PCDHA3: variants seen among roughly 807,000 people sequenced by gnomAD.
PCDHA3 encodes protocadherin alpha 3.
A neutral mutation model predicts 62.2 loss-of-function variants in PCDHA3; 41 were observed. The ratio of observed to expected loss-of-function variants is 0.66; its 90% CI spans 0.51 to 0.86. The LOEUF is 0.86. Among genes scored for constraint, PCDHA3 ranks in the 40% least tolerant of loss-of-function variants. The pLI is 0.00. For missense variants in PCDHA3, 1,304 were observed against 1,241.2 expected (o/e 1.05, Z -0.76); for synonymous variants, 640 against 555.4 (o/e 1.15, Z -2.14).
At chr5:140,841,517 G>T (rs2150317250) in intron 1 of PCDHA3, 29 of 1,613,422 alleles carry the variant, frequency 1.8e-5, no homozygotes, top group Non-Finnish European at 2.3e-5. Flanking sequence ...CCTGTTCCGG[G>T]TGGCGTCCAA....
At chr5:140,845,868 G>C (rs1252869410) in intron 1 of PCDHA3, among the ~76,000 whole-genome samples, 1 of 149,474 alleles carries the variant, frequency 6.7e-6, no homozygotes, top group South Asian at 2.1e-4. Flanking sequence ...TTGCAGAAAG[G>C]CAACCTAAAA....
At chr5:140,856,750 C>T (rs1554149043) in intron 1 of PCDHA3, 2 of 1,596,152 alleles carry the variant, frequency 1.3e-6, no homozygotes, top group Non-Finnish European at 1.7e-6. Flanking sequence ...TGTTAGATGC[C>T]AATGATAACG....
intron 1 of PCDHA3, among the ~76,000 whole-genome samples, chr5:140,845,801 G>C (rs1219755602): frequency 1.3e-5 from 2 of 149,630 alleles, no homozygotes; most frequent in African/African-American, 4.9e-5. Flanking sequence ...TCTGGCAAGT[G>C]ATAGGTACAT....
chr5:140,872,007 G>A (rs974078446), intron 1 of PCDHA3, among the ~76,000 whole-genome samples: 7 of 152,176 alleles, frequency 4.6e-5, no homozygotes, highest in African/African-American at 1.4e-4. Flanking sequence ...ATTTACAGGT[G>A]ACCTGTAGCC....
chr5:140,811,798 CT>C (rs1764962036), intron 1 of PCDHA3: 1 of 152,164 alleles, frequency 6.6e-6, no homozygotes, highest in African/African-American at 2.4e-5. Flanking sequence ...TAAATGTCTT[CT>C]TTTGAGAAGT....
chr5:140,856,563 G>A (rs1554148859), intron 1 of PCDHA3: 3 of 1,597,526 alleles, frequency 1.9e-6, no homozygotes, highest in Middle Eastern at 1.7e-4. Context: ...TACAAACTCA[G>A]TCCAAATGAG....
At chr5:140,963,714 A>G (rs1554226741) in intron 1 of PCDHA3, among the ~76,000 whole-genome samples, 2 of 152,260 alleles carry the variant, frequency 1.3e-5, no homozygotes, top group Admixed American at 6.5e-5. Context: ...GCCATGCTAC[A>G]TATAGACTGC....
At chr5:140,896,113 T>G (rs10053583) in intron 1 of PCDHA3, among the ~76,000 whole-genome samples, 1 of 152,170 alleles carries the variant, frequency 6.6e-6, no homozygotes, top group East Asian at 1.9e-4. Flanking sequence ...GCCTGGCCAA[T>G]GTACTGCATT....
At position 140,933,888 on chromosome 5, in the gene PCDHA3, T is replaced by C. The variant is rs148048721; in HGVS notation, c.2395-45061T>C. On this transcript the variant is annotated intron_variant, in intron 1 of 3. Transcript: ENST00000522353. ...ATATATGTTAGTTTTATCTGTACTTTTGAATATTTTGGCATAAAGTTGTTT... is the reference window on the plus strand; with the variant it reads ...ATATATGTTAGTTTTATCTGTACTTCTGAATATTTTGGCATAAAGTTGTTT... Among the ~76,000 whole-genome samples the C allele has an allele frequency of 7.7e-3, 1,170 of 152,222 alleles. 4 individuals are homozygous for C. Among genetic ancestry groups the C allele is most frequent in the Admixed American group, 0.013 (200 of 15,288 alleles).
chr5:140,929,589 G>T lies in PCDHA3; in HGVS notation c.2395-49360G>T, dbSNP rs183312863. 667 of 427,178 alleles carry T rather than the reference G, an allele frequency of 1.6e-3. 2 individuals are homozygous for T. The highest frequency in any genetic ancestry group is 3.3e-3 in the Admixed American group (76 of 23,230). The allele number at this position is 427,178 out of a possible 1,614,324, so 26.5% of individuals were successfully genotyped here. A position where few individuals can be genotyped will look rare whatever the true frequency, so the allele number is the denominator to read the frequency against. On this transcript the variant is annotated intron_variant, in intron 1 of 3. Coordinates refer to ENST00000522353, the MANE Select transcript of PCDHA3 (RefSeq NM_018906.3). ...AACAATAAAAGTAATATGACATAAA[G>T]GTCTAAAATTAAAAATAAAATACCA...
intron 1 of PCDHA3, among the ~76,000 whole-genome samples, chr5:140,873,598 G>A (rs888999019): frequency 1.3e-5 from 2 of 152,148 alleles, no homozygotes; most frequent in Non-Finnish European, 2.9e-5. Flanking sequence ...AAACTTAGAT[G>A]TTCCTATTGG....
chr5:140,809,334 T>G (rs782036778), intron 1 of PCDHA3: 2 of 1,613,974 alleles, frequency 1.2e-6, no homozygotes, highest in African/African-American at 2.7e-5. Context: ...CTCACGCTGC[T>G]GCTGTACACC....
At chr5:140,978,048 C>T (rs2096787371) in intron 1 of PCDHA3, among the ~76,000 whole-genome samples, 1 of 152,146 alleles carries the variant, frequency 6.6e-6, no homozygotes, top group African/African-American at 2.4e-5. Flanking sequence ...GTGATGGTGA[C>T]TGATGATGTC....
chr5:140,848,667 G>A lies in PCDHA3; in HGVS notation c.2394+45076G>A, dbSNP rs1173870910. On this transcript the variant is annotated intron_variant, in intron 1 of 3. Coordinates refer to ENST00000522353, the MANE Select transcript of PCDHA3 (RefSeq NM_018906.3). ...GCAGGACCTGGGGCTGGAGCTGGCG[G>A]AGCTGGTGCCGCGCCTGTTCCAGTT... The A allele has an allele frequency of 1.0e-5, 16 of 1,592,228 alleles. No individual in the cohort carries two copies. Among genetic ancestry groups the A allele is most frequent in the Non-Finnish European group, 1.3e-5 (15 of 1,163,428 alleles).
At chr5:140,885,064 A>T (rs2060452937) in intron 1 of PCDHA3, among the ~76,000 whole-genome samples, 1 of 152,162 alleles carries the variant, frequency 6.6e-6, no homozygotes, top group Non-Finnish European at 1.5e-5. Context: ...TACCCACAAG[A>T]TATTATTTTA....
chr5:140,882,169 C>A, intron 1 of PCDHA3: 1 of 1,511,484 alleles, frequency 6.6e-7, no homozygotes, highest in Non-Finnish European at 8.8e-7. Flanking sequence ...TCTTGCGAAT[C>A]CTTCCGCACT....
intron 3 of PCDHA3, among the ~76,000 whole-genome samples, chr5:140,997,957 C>T (rs1051643572): frequency 6.6e-5 from 10 of 152,156 alleles, no homozygotes; most frequent in East Asian, 1.9e-4. Context: ...TTGGCATTCA[C>T]GTACCTGTGG....
intron 1 of PCDHA3, chr5:140,883,583 G>T (rs782212784): frequency 2.5e-6 from 4 of 1,613,916 alleles, no homozygotes; most frequent in Non-Finnish European, 3.4e-6. Context: ...GTGGGCCACG[G>T]CCAGCGTGTC....
rs1777656080 is a variant in PCDHA3, at chr5:140,842,032, T to C, written c.2394+38441T>C. ...TGGTCACAGTGCTGGATGTGAATGA[T>C]AATGCTCCCACTTTCGAACAGTCTG... On this transcript the variant is annotated intron_variant, in intron 1 of 3. Transcript: ENST00000522353. The C allele has an allele frequency of 1.9e-6, 3 of 1,613,844 alleles. 1 individual carries two copies. The highest frequency in any genetic ancestry group is 1.7e-5 in the Admixed American group (1 of 60,002).
Sources: allele counts gnomAD v4.1 joint callset (sites outside exome capture counted in the v4.1 genomes callset), GRCh38; gene constraint gnomAD v4.1.1; transcripts MANE v1.5; gene names NCBI Gene and HGNC (gene_info 2026-07-23, HGNC 2026-07-21).